The following ZBTB7C variants were observed in gnomAD, a reference collection of about 807,000 sequenced individuals.
ZBTB7C encodes zinc finger and BTB domain containing 7C.
A neutral mutation model predicts 25.7 loss-of-function variants in ZBTB7C; 8 were observed. The observed-to-expected ratio is 0.31, with a 90% confidence interval of 0.18 to 0.56. The LOEUF (loss-of-function observed/expected upper bound fraction) is 0.56. Ranked by LOEUF, ZBTB7C falls within the 20% of genes least tolerant of loss-of-function variation. The probability of loss-of-function intolerance (pLI) is 0.91; values close to 1 mark genes in which losing one functional copy is unlikely to be tolerated. For missense variants in ZBTB7C, 824 were observed against 855.2 expected (o/e 0.96, Z 0.46); for synonymous variants, 394 against 369.0 (o/e 1.07, Z -0.78).
At chr18:48,183,723 C>T (rs767601096) in intron 3 of ZBTB7C, among the ~76,000 whole-genome samples, 9 of 152,174 alleles carry the variant, frequency 5.9e-5, no homozygotes, top group East Asian at 3.9e-4. Flanking sequence ...ATGACATTCT[C>T]GGGTCCTTGC....
At chr18:48,179,256 C>A (rs543697743) in intron 3 of ZBTB7C, among the ~76,000 whole-genome samples, 1 of 152,178 alleles carries the variant, frequency 6.6e-6, no homozygotes, top group African/African-American at 2.4e-5. Flanking sequence ...CTTGTCTTTT[C>A]TGAGGACTGT....
chr18:48,103,126 A>ATCTATCTATCTATCTG, intron 3 of ZBTB7C, among the ~76,000 whole-genome samples: 1 of 139,414 alleles, frequency 7.2e-6, no homozygotes, highest in Non-Finnish European at 1.6e-5. Context: ...CTATCTATCT[A>ATCTATCTATCTATCTG]TCTATCTATC....
chr18:48,281,773 A>G (rs1213974502), intron 2 of ZBTB7C, among the ~76,000 whole-genome samples: 1 of 151,590 alleles, frequency 6.6e-6, no homozygotes, highest in Non-Finnish European at 1.5e-5. Context: ...ACCATCTCAC[A>G]CCAGTTAGAA....
intron 3 of ZBTB7C, among the ~76,000 whole-genome samples, chr18:48,064,691 C>T (rs1420754448): frequency 6.6e-6 from 1 of 152,052 alleles, no homozygotes; most frequent in Non-Finnish European, 1.5e-5. Context: ...TGCAGTGAGC[C>T]GTCTTCACAC....
chr18:48,064,014 C>T (rs191095709), intron 3 of ZBTB7C, among the ~76,000 whole-genome samples: 13 of 152,252 alleles, frequency 8.5e-5, no homozygotes, highest in African/African-American at 2.9e-4. Flanking sequence ...AATGTCAACA[C>T]AAAGTTGTAT....
chr18:48,225,980 A>T (rs2043079651), intron 2 of ZBTB7C, among the ~76,000 whole-genome samples: 1 of 152,160 alleles, frequency 6.6e-6, no homozygotes, highest in Non-Finnish European at 1.5e-5. Context: ...TGACCTCGCG[A>T]TCCACCCGCT....
chr18:48,292,617 G>A (rs1188419257), intron 2 of ZBTB7C, among the ~76,000 whole-genome samples: 2 of 152,212 alleles, frequency 1.3e-5, no homozygotes, highest in African/African-American at 4.8e-5. Flanking sequence ...GCCAACCTGG[G>A]CAGGGACCTG....
At position 48,216,125 on chromosome 18, in the gene ZBTB7C, G is replaced by A. The variant is rs959392613; in HGVS notation, c.-78-30130C>T. ...TCTATGGAATCCCCTTGGCTGAGAG[G>A]AGGAGTCCATTCAGTCAGTGGGGGA... On this transcript the variant is annotated intron_variant, in intron 2 of 4. Coordinates refer to ENST00000590800, the MANE Select transcript of ZBTB7C (RefSeq NM_001318841.2). Among the ~76,000 whole-genome samples, 7 of 152,358 alleles carry A rather than the reference G, an allele frequency of 4.6e-5. 1 individual carries two copies. Among genetic ancestry groups the A allele is most frequent in the East Asian group, 1.9e-4 (1 of 5,194 alleles).
intron 2 of ZBTB7C, among the ~76,000 whole-genome samples, chr18:48,316,842 CGTG>C (rs2045959820): frequency 6.6e-6 from 1 of 152,222 alleles, no homozygotes; most frequent in South Asian, 2.1e-4. Context: ...CCTCGTTCTA[CGTG>C]GTGATGAGCA....
intron 2 of ZBTB7C, among the ~76,000 whole-genome samples, chr18:48,301,277 G>A (rs1024028180): frequency 2.6e-5 from 4 of 152,124 alleles, no homozygotes; most frequent in South Asian, 2.1e-4. Context: ...TCAGGAGTTC[G>A]AGACCAGCCT....
chr18:48,132,073 C>T (rs1038004341), intron 3 of ZBTB7C, among the ~76,000 whole-genome samples: 1 of 152,148 alleles, frequency 6.6e-6, no homozygotes, highest in African/African-American at 2.4e-5. Flanking sequence ...TAGGTCCACA[C>T]AAAAACTTGC....
chr18:48,361,709 C>T (rs181612632), intron 1 of ZBTB7C, among the ~76,000 whole-genome samples: 69 of 152,336 alleles, frequency 4.5e-4, no homozygotes, highest in Non-Finnish European at 7.3e-4. Context: ...AGGCTGCACA[C>T]CAGCCCATGG....
chr18:48,183,099 A>G (rs72922177), intron 3 of ZBTB7C, among the ~76,000 whole-genome samples: 7,441 of 152,262 alleles, frequency 0.049, 264 homozygotes, highest in Non-Finnish European at 0.072. Flanking sequence ...AAACGTTTGT[A>G]AAGTTCTTAT....
At chr18:48,168,097 GCTT>G (rs1204002349) in intron 3 of ZBTB7C, among the ~76,000 whole-genome samples, 2 of 152,226 alleles carry the variant, frequency 1.3e-5, no homozygotes, top group Non-Finnish European at 2.9e-5. Flanking sequence ...GCTTCACTGA[GCTT>G]CTTATCAGGC....
At chr18:48,110,854 G>T (rs760343878) in intron 3 of ZBTB7C, among the ~76,000 whole-genome samples, 1 of 152,160 alleles carries the variant, frequency 6.6e-6, no homozygotes, top group South Asian at 2.1e-4. Flanking sequence ...CACGTTCTTG[G>T]GGGAGGGCAT....
chr18:48,360,657 C>T (rs2047083281), intron 1 of ZBTB7C, among the ~76,000 whole-genome samples: 1 of 151,990 alleles, frequency 6.6e-6, no homozygotes, highest in Non-Finnish European at 1.5e-5. Flanking sequence ...GTGACGGGCA[C>T]TGAGGGGAGC....
At chr18:48,037,717 C>T (rs912645198) in intron 4 of ZBTB7C, among the ~76,000 whole-genome samples, 18 of 152,176 alleles carry the variant, frequency 1.2e-4, no homozygotes, top group African/African-American at 4.3e-4. Context: ...TCACCAGCCT[C>T]GGTCTCCCCT....
chr18:48,169,125 G>C lies in ZBTB7C; in HGVS notation c.-17+16809C>G, dbSNP rs552042750. Among the ~76,000 whole-genome samples, 6 of 152,292 alleles carry C rather than the reference G, an allele frequency of 3.9e-5. No homozygotes were observed. In the South Asian group the frequency reaches 1.2e-3, roughly 32 times the overall value. On this transcript the variant is annotated intron_variant, in intron 3 of 4. Transcript: ENST00000590800. ...GCAGGCAAGGGCTACACAATAGAAAGGTAAGAAAGTGCACTGACTTTATTT... is the reference window on the plus strand; with the variant it reads ...GCAGGCAAGGGCTACACAATAGAAACGTAAGAAAGTGCACTGACTTTATTT...
chr18:48,154,486 T>C (rs917666141), intron 3 of ZBTB7C, among the ~76,000 whole-genome samples: 7 of 152,220 alleles, frequency 4.6e-5, no homozygotes, highest in African/African-American at 1.7e-4. Flanking sequence ...ATAGCTGCCG[T>C]TCTTTCATGG....
Sources: gnomAD v4.1 joint callset for allele counts (sites outside exome capture counted in the v4.1 genomes callset) on GRCh38, gnomAD v4.1.1 for gene constraint, MANE v1.5 for transcripts, NCBI Gene and HGNC (gene_info 2026-07-23, HGNC 2026-07-21) for gene names.